Variants in PPP1R42 observed in about 807,000 individuals in gnomAD.
PPP1R42 encodes leucine rich repeat containing 67.
A neutral mutation model predicts 31.0 loss-of-function variants in PPP1R42; 34 were observed. That is an observed-to-expected ratio of 1.10 (90% CI 0.83 to 1.46). PPP1R42 has a LOEUF of 1.46. Among genes scored for constraint, PPP1R42 ranks in the 40% most tolerant of loss-of-function variants. The pLI, the probability that PPP1R42 is intolerant of heterozygous loss-of-function variation, is 0.00. For synonymous variants in PPP1R42, 103 were observed against 109.8 expected (o/e 0.94, Z 0.39); for missense variants, 268 against 303.0 (o/e 0.88, Z 0.86).
intron 7 of PPP1R42, among the ~76,000 whole-genome samples, chr8:66,974,702 T>A (rs1814622869): frequency 6.6e-6 from 1 of 152,220 alleles, no homozygotes. Context: ...AATTTGTATG[T>A]CTTCTTTGGA....
intron 5 of PPP1R42, among the ~76,000 whole-genome samples, chr8:66,989,500 G>A (rs1486004028): frequency 6.6e-6 from 1 of 152,044 alleles, no homozygotes; most frequent in African/African-American, 2.4e-5. Context: ...AGTGGCCAAA[G>A]TTCTGTTCTT....
At chr8:67,005,234 T>C (rs1158642667) in intron 5 of PPP1R42, among the ~76,000 whole-genome samples, 1 of 152,008 alleles carries the variant, frequency 6.6e-6, no homozygotes, top group African/African-American at 2.4e-5. Context: ...TATCCAGGCA[T>C]TCTTTAAACT....
At chr8:67,009,289 C>T (rs959873946) in intron 5 of PPP1R42, among the ~76,000 whole-genome samples, 3 of 149,048 alleles carry the variant, frequency 2.0e-5, no homozygotes, top group East Asian at 2.0e-4. Context: ...AATAAAGGGC[C>T]GGGTCCGGTG....
At chr8:66,970,734 C>T (rs1814514867) in intron 7 of PPP1R42, 2 of 487,924 alleles carry the variant, frequency 4.1e-6, no homozygotes, top group Admixed American at 2.4e-5. Context: ...TCCTACCTTA[C>T]CTCAGTGGGT....
At chr8:66,969,969 C>T (rs1426824738) in intron 7 of PPP1R42, among the ~76,000 whole-genome samples, 2 of 152,128 alleles carry the variant, frequency 1.3e-5, no homozygotes, top group East Asian at 1.9e-4. Context: ...GCATTTATCA[C>T]ATTATAGAGT....
chr8:66,988,393 T>C lies in PPP1R42; in HGVS notation c.670+7A>G. The C allele has an allele frequency of 1.4e-6, 2 of 1,481,282 alleles. No individual in the cohort carries two copies. The highest frequency in any genetic ancestry group is 1.8e-6 in the Non-Finnish European group (2 of 1,115,574). The allele number at this position is 1,481,282 out of a possible 1,614,324, so 91.8% of individuals were successfully genotyped here. A position where few individuals can be genotyped will look rare whatever the true frequency, so the allele number is the denominator to read the frequency against. ...CTCTTAAAAATTATATTAATATAAA[T>C]ATGTACCCAGTGATTTGGACACCAA... On this transcript the variant is annotated splice_region_variant and intron_variant, in intron 6 of 7. Coordinates refer to ENST00000685739, the MANE Select transcript of PPP1R42 (RefSeq NM_001364910.1).
chr8:67,028,414 T>C, intron 1 of PPP1R42, 77 bp downstream of exon 1: 1 of 841,458 alleles, frequency 1.2e-6, no homozygotes, highest in Non-Finnish European at 1.4e-6. Context: ...CCGGAAAGTC[T>C]TACTGGCAGG....
At chr8:66,992,797 G>C (rs1815228927) in intron 5 of PPP1R42, among the ~76,000 whole-genome samples, 1 of 152,128 alleles carries the variant, frequency 6.6e-6, no homozygotes, top group African/African-American at 2.4e-5. Context: ...TTACCCTAAA[G>C]AAAGAGAGGT....
intron 7 of PPP1R42, among the ~76,000 whole-genome samples, chr8:66,964,637 C>G (rs1428811364): frequency 1.3e-5 from 2 of 151,950 alleles, no homozygotes; most frequent in Non-Finnish European, 2.9e-5. Flanking sequence ...ATATTTTGCA[C>G]CCAGATTGTC....
At chr8:67,019,429 C>T (rs780334436) in intron 1 of PPP1R42, among the ~76,000 whole-genome samples, 1 of 145,894 alleles carries the variant, frequency 6.9e-6, no homozygotes, top group Non-Finnish European at 1.5e-5. Context: ...TTAGTAGACA[C>T]GGGTTTCACC....
chr8:67,006,739 CT>C (rs1183630078), intron 5 of PPP1R42, among the ~76,000 whole-genome samples: 1,439 of 70,544 alleles, frequency 0.02, 1 homozygote, highest in African/African-American at 0.052. Flanking sequence ...AGGGTAGAGG[CT>C]TTTTTTTTTT....
At chr8:66,966,091 T>C (rs1490651030) in intron 7 of PPP1R42, among the ~76,000 whole-genome samples, 1 of 152,208 alleles carries the variant, frequency 6.6e-6, no homozygotes, top group Non-Finnish European at 1.5e-5. Flanking sequence ...ATGTTATTTT[T>C]TAAGAAAAAG....
chr8:66,975,167 T>G (rs916008206), intron 7 of PPP1R42, among the ~76,000 whole-genome samples: 1 of 152,238 alleles, frequency 6.6e-6, no homozygotes, highest in African/African-American at 2.4e-5. Context: ...TTAAAATTTA[T>G]AAGCAGACAT....
intron 6 of PPP1R42, chr8:66,984,719 G>A (rs1814950888): frequency 1.2e-6 from 2 of 1,603,298 alleles, no homozygotes; most frequent in South Asian, 1.1e-5. Flanking sequence ...TTTGCCATCT[G>A]AGCTGTGACA....
At chr8:66,998,665 G>A (rs2130944416) in intron 5 of PPP1R42, among the ~76,000 whole-genome samples, 1 of 152,138 alleles carries the variant, frequency 6.6e-6, no homozygotes, top group East Asian at 1.9e-4. Context: ...TCATCATTAA[G>A]TATGTTGTTA....
intron 1 of PPP1R42, among the ~76,000 whole-genome samples, chr8:67,019,918 C>A (rs117209006): frequency 0.024 from 3,639 of 151,254 alleles, 96 homozygotes; most frequent in South Asian, 0.045. Flanking sequence ...AACAAACAAA[C>A]AAAAAAACTA....
chr8:67,026,656 C>T (rs746157918), intron 1 of PPP1R42, among the ~76,000 whole-genome samples: 6 of 151,728 alleles, frequency 4.0e-5, no homozygotes, highest in East Asian at 3.9e-4. Context: ...AGCAACATGG[C>T]GAGACCCCTG....
chr8:66,972,107 A>G (rs1271083759), intron 7 of PPP1R42, among the ~76,000 whole-genome samples: 2 of 151,228 alleles, frequency 1.3e-5, no homozygotes, highest in Non-Finnish European at 2.9e-5. Flanking sequence ...CACAGTTATA[A>G]AAGAGTCTTT....
intron 3 of PPP1R42, 28 bp downstream of exon 3, chr8:67,014,398 T>C (rs765821841): frequency 2.1e-5 from 28 of 1,334,102 alleles, no homozygotes; most frequent in South Asian, 9.7e-5. Flanking sequence ...AAAAATCAGA[T>C]ACATTATTAA....
Sources: gnomAD v4.1 joint callset for allele counts (sites outside exome capture counted in the v4.1 genomes callset) on GRCh38, gnomAD v4.1.1 for gene constraint, MANE v1.5 for transcripts, NCBI Gene and HGNC (gene_info 2026-07-23, HGNC 2026-07-21) for gene names.